ZMYND11: variants seen among roughly 807,000 people sequenced by gnomAD.
ZMYND11 encodes zinc finger MYND domain-containing protein 11.
ZMYND11 carries 9 observed loss-of-function variants against 84.9 expected under a neutral mutation model. The observed-to-expected ratio is 0.11, with a 90% CI of 0.06 to 0.18. The LOEUF (loss-of-function observed/expected upper bound fraction) is 0.18. ZMYND11 is among the 10% of genes least tolerant of loss of function. The probability of loss-of-function intolerance (pLI) is 1.00; values close to 1 mark genes in which losing one functional copy is unlikely to be tolerated. For synonymous variants in ZMYND11, 250 were observed against 244.1 expected (o/e 1.02, Z -0.23); for missense variants, 409 against 761.0 (o/e 0.54, Z 5.44).
chr10:180,081 G>A lies in ZMYND11; in HGVS notation c.69G>A (p.Glu23=), dbSNP rs776080758. 6.2e-7 allele frequency: 1 copy of A among 1,613,698 alleles called. No individual in the cohort carries two copies. Among genetic ancestry groups the A allele is most frequent in the Non-Finnish European group, 8.5e-7 (1 of 1,179,752 alleles). ...KAIQHLWAAI[E]IIRNQKQIAN... ...TCCAGCATCTTTGGGCAGCCATTGA[G>A]ATTATACGGAACCAGAAGCAGATTG... The change falls in exon 2 of 15, where the codon GAG becomes GAA. Residue 23 remains glutamate, a synonymous_variant. Coordinates refer to ENST00000381604, the MANE Select transcript of ZMYND11 (RefSeq NM_001370100.5).
upstream of ZMYND11, among the ~76,000 whole-genome samples, chr10:133,339 T>C (rs141189552): frequency 1.7e-3 from 259 of 152,352 alleles, 3 homozygotes; most frequent in African/African-American, 5.8e-3. Flanking sequence ...TTGCGTTTTA[T>C]GTGGGGAGGG....
intron 2 of ZMYND11, among the ~76,000 whole-genome samples, chr10:182,579 A>T (rs1476128978): frequency 6.6e-6 from 1 of 152,150 alleles, no homozygotes; most frequent in African/African-American, 2.4e-5. Context: ...TCCTCATCTC[A>T]TCTGAGAGGT....
chr10:167,022 A>T (rs1844165121), intron 1 of ZMYND11, among the ~76,000 whole-genome samples: 1 of 152,198 alleles, frequency 6.6e-6, no homozygotes, highest in Non-Finnish European at 1.5e-5. Flanking sequence ...GATTCCACTC[A>T]TGAAATATCT....
At chr10:157,586 C>T (rs1056468483) in intron 1 of ZMYND11, among the ~76,000 whole-genome samples, 12 of 151,950 alleles carry the variant, frequency 7.9e-5, no homozygotes, top group African/African-American at 2.4e-4. Flanking sequence ...GGGGAGGTCT[C>T]GAGGAAAGGA....
At chr10:131,600 C>T (rs9419423), upstream of ZMYND11, among the ~76,000 whole-genome samples, 235 of 152,296 alleles carry the variant, frequency 1.5e-3, 1 homozygote, top group African/African-American at 5.4e-3. Flanking sequence ...TCATAGCTCA[C>T]TGCAGCCCTG....
chr10:146,449 GT>G (rs1171926296), intron 1 of ZMYND11, among the ~76,000 whole-genome samples: 1 of 152,194 alleles, frequency 6.6e-6, no homozygotes, highest in African/African-American at 2.4e-5. Flanking sequence ...TCTATAGAGT[GT>G]TTTGGGCAGC....
intron 2 of ZMYND11, among the ~76,000 whole-genome samples, chr10:185,918 C>T (rs1938262598): frequency 1.3e-5 from 2 of 151,536 alleles, no homozygotes; most frequent in African/African-American, 2.4e-5. Flanking sequence ...TTCCTTCTGA[C>T]AGAGGTAAAT....
intron 2 of ZMYND11, among the ~76,000 whole-genome samples, chr10:190,214 CT>C (rs1191431465): frequency 6.6e-6 from 1 of 152,174 alleles, no homozygotes; most frequent in Non-Finnish European, 1.5e-5. Context: ...ACTTTCTTGC[CT>C]GTTTTTCCAG....
intron 1 of ZMYND11, among the ~76,000 whole-genome samples, chr10:175,124 G>A (rs561943911): frequency 2.5e-4 from 38 of 152,300 alleles, no homozygotes; most frequent in African/African-American, 8.9e-4. Context: ...ATATGTCAGT[G>A]TAGGTTTGTT....
chr10:134,573 A>G (rs1442834625), upstream of ZMYND11: 2 of 152,222 alleles, frequency 1.3e-5, no homozygotes, highest in Non-Finnish European at 2.9e-5. Context: ...GCGTATCCCT[A>G]CCGCTCTTTT....
intron 10 of ZMYND11, among the ~76,000 whole-genome samples, chr10:242,595 A>G (rs1951234115): frequency 6.6e-6 from 1 of 152,244 alleles, no homozygotes; most frequent in Non-Finnish European, 1.5e-5. Context: ...TAATAGGAAT[A>G]AAGAATTCAC....
chr10:215,168 A>G (rs1413475552), intron 3 of ZMYND11, among the ~76,000 whole-genome samples: 1 of 152,254 alleles, frequency 6.6e-6, no homozygotes, highest in African/African-American at 2.4e-5. Context: ...AATTTAGTCA[A>G]GAGTGTTGAG....
intron 1 of ZMYND11, among the ~76,000 whole-genome samples, chr10:141,305 T>G (rs1837439656): frequency 6.6e-6 from 1 of 152,228 alleles, no homozygotes. Flanking sequence ...GTGCCATATC[T>G]TAGATGCCGA....
At position 167,306 on chromosome 10, in the gene ZMYND11, T is replaced by C. The variant is rs1476911784; in HGVS notation, c.-19-12688T>C. On this transcript the variant is annotated intron_variant, in intron 1 of 14. Transcript: ENST00000381604. ...ATATTATGTTCCAAAAACCACTGAA[T>C]TGTACACTTCAAATGGGTGAATTGT... Among the ~76,000 whole-genome samples the C allele has an allele frequency of 2.0e-5, 3 of 152,208 alleles. No individual in the cohort carries two copies. The South Asian group carries it at 6.2e-4, about 32-fold the overall frequency.
At chr10:220,684 G>A (rs1444171301) in intron 3 of ZMYND11, among the ~76,000 whole-genome samples, 1 of 152,170 alleles carries the variant, frequency 6.6e-6, no homozygotes, top group Non-Finnish European at 1.5e-5. Context: ...CTGATTAATG[G>A]TTATTTTCAA....
At chr10:136,793 A>T (rs191968578) in intron 1 of ZMYND11, among the ~76,000 whole-genome samples, 82 of 152,162 alleles carry the variant, frequency 5.4e-4, no homozygotes, top group African/African-American at 1.5e-3. Context: ...TGTACATAGT[A>T]TCCTTTCACA....
chr10:246,806 A>G lies in ZMYND11; in HGVS notation c.991A>G (p.Asn331Asp). 1 of 1,614,164 alleles carries G rather than the reference A, an allele frequency of 6.2e-7. No individual in the cohort carries two copies. Among genetic ancestry groups the G allele is most frequent in the South Asian group, 1.1e-5 (1 of 91,076 alleles). The change falls in exon 11 of 15, where the codon AAC becomes GAC. Residue 331 changes from asparagine (N) to aspartate (D), a missense_variant. By Grantham distance (23) the Asn-to-Asp change is conservative. This residue lies in a region of ZMYND11 where 48 missense variants were observed against 61.1 expected (regional missense o/e 0.79). Transcript: ENST00000381604. ...PSENIQDITV[N>D]IHRLHVKRSM... is the part of the protein sequence containing the mutation. The stretch of plus-strand genomic sequence containing the variant: ...TGAAAACATTCAAGATATCACAGTC[A>G]ACATTCATCGGCTGCACGTGAAGCG...
intron 1 of ZMYND11, among the ~76,000 whole-genome samples, chr10:172,080 C>T (rs1020829920): frequency 6.6e-6 from 1 of 152,164 alleles, no homozygotes; most frequent in South Asian, 2.1e-4. Context: ...ATGGAATGGC[C>T]AGGCACGTCT....
rs1953833265 is a variant in ZMYND11, at chr10:253,224, G to A, written c.*754G>A. 1 of 152,548 alleles carries A rather than the reference G, an allele frequency of 6.6e-6. No homozygotes were observed. Among genetic ancestry groups the A allele is most frequent in the Non-Finnish European group, 1.5e-5 (1 of 68,016 alleles). 9.4% of individuals were successfully genotyped at this position (152,548 alleles called of 1,614,324 possible). ...ATTTCATCTTTGTCCTAACATGAGT[G>A]CTTGTAACAAAATAAACAACAAAAA... On this transcript the variant is annotated 3_prime_UTR_variant, in exon 15 of 15. Transcript: ENST00000381604.
Sources: gnomAD v4.1 joint callset for allele counts (sites outside exome capture counted in the v4.1 genomes callset) on GRCh38, gnomAD v4.1.1 for gene constraint, gnomAD v4.1.1 regional missense constraint, MANE v1.5 for transcripts, NCBI Gene and HGNC (gene_info 2026-07-23, HGNC 2026-07-21) for gene names.